DIRAS2: variants seen among roughly 807,000 people sequenced by gnomAD.
The protein encoded by DIRAS2 is GTP-binding protein Di-Ras2.
In DIRAS2, 5 loss-of-function variants were observed where a neutral mutation model predicts 13.9. The ratio of observed to expected loss-of-function variants is 0.36; its 90% confidence interval spans 0.19 to 0.76. The LOEUF (loss-of-function observed/expected upper bound fraction) is 0.76, where lower values mean the gene tolerates loss of function less well. Ranked by LOEUF, DIRAS2 falls within the 30% of genes least tolerant of loss-of-function variation. The probability of loss-of-function intolerance (pLI) is 0.53; values close to 1 mark genes in which losing one functional copy is unlikely to be tolerated. For missense variants in DIRAS2, 191 were observed against 263.0 expected, an observed-to-expected ratio of 0.73 and a Z score of 1.89; for synonymous variants, 111 against 105.4, an observed-to-expected ratio of 1.05 and a Z score of -0.33.
At chr9:90,640,957 T>G (rs563734804) in intron 1 of DIRAS2, among the ~76,000 whole-genome samples, 4 of 152,348 alleles carry the variant, frequency 2.6e-5, no homozygotes, top group South Asian at 4.1e-4. Context: ...AGATACACTC[T>G]CTTTTTGACA....
chr9:90,634,057 T>G (rs1272017514), intron 1 of DIRAS2, among the ~76,000 whole-genome samples: 1 of 152,152 alleles, frequency 6.6e-6, no homozygotes, highest in Non-Finnish European at 1.5e-5. Context: ...CAAGATCAAG[T>G]GTAAGTTCCT....
At chr9:90,617,342 T>C (rs947839585) in intron 1 of DIRAS2, among the ~76,000 whole-genome samples, 3 of 152,122 alleles carry the variant, frequency 2.0e-5, no homozygotes, top group African/African-American at 7.2e-5. Context: ...CAGAGAGGAC[T>C]CATCTAGTGA....
At chr9:90,640,528 C>T (rs1435870796) in intron 1 of DIRAS2, among the ~76,000 whole-genome samples, 1 of 152,154 alleles carries the variant, frequency 6.6e-6, no homozygotes, top group Non-Finnish European at 1.5e-5. Flanking sequence ...TAAGAACCAT[C>T]GTATTCCCTT....
intron 1 of DIRAS2, among the ~76,000 whole-genome samples, chr9:90,617,199 A>G (rs1350269646): frequency 1.3e-5 from 2 of 152,234 alleles, no homozygotes; most frequent in Non-Finnish European, 2.9e-5. Flanking sequence ...TCAAGATAAA[A>G]GGCAGAAGAG....
intron 1 of DIRAS2, among the ~76,000 whole-genome samples, chr9:90,624,604 C>T (rs1825250746): frequency 1.3e-5 from 2 of 152,112 alleles, no homozygotes; most frequent in Non-Finnish European, 2.9e-5. Flanking sequence ...CCAATAAGCC[C>T]ACAGCTTAAG....
At chr9:90,626,637 T>A (rs1198400012) in intron 1 of DIRAS2, among the ~76,000 whole-genome samples, 1 of 152,164 alleles carries the variant, frequency 6.6e-6, no homozygotes, top group African/African-American at 2.4e-5. Flanking sequence ...TAAAAAGTGT[T>A]AGCAAAGATA....
chr9:90,630,994 T>C (rs971765242), intron 1 of DIRAS2, among the ~76,000 whole-genome samples: 4 of 152,194 alleles, frequency 2.6e-5, no homozygotes, highest in African/African-American at 9.7e-5. Flanking sequence ...TAAAAACTAA[T>C]TTTAAAGGCT....
At position 90,610,482 on chromosome 9, in the gene DIRAS2, A is replaced by G. The variant is rs1825101001; in HGVS notation, c.*2746T>C. On this transcript the variant is annotated 3_prime_UTR_variant, in exon 2 of 2. Coordinates refer to ENST00000375765, the MANE Select transcript of DIRAS2 (RefSeq NM_017594.5). ...AGGGAAGTCATGGAGCCCCATGCTCATGCCCAGAGCGCCATCTTCAAAGCA... is the reference window on the plus strand; with the variant it reads ...AGGGAAGTCATGGAGCCCCATGCTCGTGCCCAGAGCGCCATCTTCAAAGCA... The G allele has an allele frequency of 2.5e-6, 1 of 398,924 alleles. No individual in the cohort carries two copies. The highest frequency in any genetic ancestry group is 2.1e-5 in the African/African-American group (1 of 48,638). The allele number at this position is 398,924 out of a possible 1,614,324, so 24.7% of individuals were successfully genotyped here.
intron 1 of DIRAS2, among the ~76,000 whole-genome samples, chr9:90,635,465 G>A (rs754511264): frequency 7.9e-5 from 12 of 152,298 alleles, no homozygotes; most frequent in Non-Finnish European, 1.8e-4. Flanking sequence ...GATAATGTTA[G>A]GCAGCTTATA....
At chr9:90,615,985 G>T (rs140195919) in intron 1 of DIRAS2, among the ~76,000 whole-genome samples, 3 of 152,174 alleles carry the variant, frequency 2.0e-5, no homozygotes, top group Admixed American at 1.3e-4. Flanking sequence ...GCTTAGAAGG[G>T]AGTTTCCTCA....
rs1162710438 is a variant in DIRAS2, at chr9:90,611,393, A to G, written c.*1835T>C. The G allele has an allele frequency of 1.3e-5, 2 of 152,232 alleles. No individual in the cohort carries two copies. Among genetic ancestry groups the G allele is most frequent in the Non-Finnish European group, 2.9e-5 (2 of 68,130 alleles). The allele number at this position is 152,232 out of a possible 1,614,324, so 9.4% of individuals were successfully genotyped here. On this transcript the variant is annotated 3_prime_UTR_variant, in exon 2 of 2. Coordinates refer to ENST00000375765, the MANE Select transcript of DIRAS2 (RefSeq NM_017594.5). Reference sequence around the variant, plus strand: ...CAGGGCGGTTTTGTTCTAGGAGATCATGGAGTCAAGCAGTTCTCAAAGGCA... The same window carrying G: ...CAGGGCGGTTTTGTTCTAGGAGATCGTGGAGTCAAGCAGTTCTCAAAGGCA...
intron 1 of DIRAS2, among the ~76,000 whole-genome samples, chr9:90,638,531 G>C (rs1364617297): frequency 6.6e-6 from 1 of 152,160 alleles, no homozygotes; most frequent in Non-Finnish European, 1.5e-5. Flanking sequence ...TCCCAAGAGA[G>C]AAGCACAAAG....
Position 90,611,268 on chromosome 9 carries a change from A to AG in DIRAS2, c.*1959dup, listed in dbSNP as rs1825110390. 6.6e-6 allele frequency: 1 copy of AG among 152,222 alleles called. No individual in the cohort carries two copies. Among genetic ancestry groups the AG allele is most frequent in the South Asian group, 2.1e-4 (1 of 4,834 alleles). The allele number at this position is 152,222 out of a possible 1,614,324, so 9.4% of individuals were successfully genotyped here. On this transcript the variant is annotated 3_prime_UTR_variant, in exon 2 of 2. Coordinates refer to ENST00000375765, the MANE Select transcript of DIRAS2 (RefSeq NM_017594.5). ...GAACAATCCTGCTTGAGGAATCTGA[A>AG]GGGGGCCACGGGACTGGCCCAAATG...
chr9:90,641,126 C>A (rs572787030), intron 1 of DIRAS2, among the ~76,000 whole-genome samples: 1 of 152,122 alleles, frequency 6.6e-6, no homozygotes, highest in African/African-American at 2.4e-5. Context: ...AAGGTCTCCT[C>A]CACTCTTCTC....
intron 1 of DIRAS2, among the ~76,000 whole-genome samples, chr9:90,624,828 C>A (rs1825253330): frequency 6.6e-6 from 1 of 152,202 alleles, no homozygotes; most frequent in South Asian, 2.1e-4. Context: ...GAATCTCCTG[C>A]CTCAGCCTCC....
chr9:90,631,696 A>T (rs561863701), intron 1 of DIRAS2, among the ~76,000 whole-genome samples: 1 of 152,192 alleles, frequency 6.6e-6, no homozygotes, highest in East Asian at 1.9e-4. Flanking sequence ...GGCATCTGAG[A>T]TGCCATATCA....
chr9:90,625,162 A>G (rs1825256694), intron 1 of DIRAS2, among the ~76,000 whole-genome samples: 1 of 152,200 alleles, frequency 6.6e-6, no homozygotes, highest in African/African-American at 2.4e-5. Context: ...GCATGTATGG[A>G]AAATAAAGTA....
chr9:90,630,903 A>C (rs1825319027), intron 1 of DIRAS2, among the ~76,000 whole-genome samples: 1 of 152,220 alleles, frequency 6.6e-6, no homozygotes, highest in South Asian at 2.1e-4. Context: ...CCACCCTTAC[A>C]TGAGATAGCC....
At chr9:90,624,890 G>A (rs576293022) in intron 1 of DIRAS2, among the ~76,000 whole-genome samples, 7 of 152,264 alleles carry the variant, frequency 4.6e-5, no homozygotes, top group South Asian at 2.1e-4. Context: ...GCCTCCCGAC[G>A]TGTTGGGCTT....
Sources: allele counts gnomAD v4.1 joint callset (sites outside exome capture counted in the v4.1 genomes callset), GRCh38; gene constraint gnomAD v4.1.1; transcripts MANE v1.5; gene names NCBI Gene and HGNC (gene_info 2026-07-23, HGNC 2026-07-21).